MITF: variants seen among roughly 807,000 people sequenced by gnomAD.
MITF encodes melanocyte inducing transcription factor.
A neutral mutation model predicts 60.5 loss-of-function variants in MITF; 17 were observed. The observed-to-expected ratio is 0.28, with a 90% CI of 0.19 to 0.42. The LOEUF is 0.42. MITF is among the 10% of genes least tolerant of loss of function. The probability of loss-of-function intolerance (pLI) is 1.00; values close to 1 mark genes in which losing one functional copy is unlikely to be tolerated. For missense variants in MITF, 622 were observed against 683.5 expected (o/e 0.91, Z 1.00); for synonymous variants, 260 against 248.5 (o/e 1.05, Z -0.43).
In MITF at chr3:69,832,620, G is replaced by A. The variant is rs1291229465; in HGVS notation, c.105-46514G>A. On this transcript the variant is annotated intron_variant, in intron 1 of 9. Transcript: ENST00000352241. ...TGACATTGTACGCAATTGTTTCCCCGTTTACACTGTATATTGTTGTTTGCC... is the reference window on the plus strand; with the variant it reads ...TGACATTGTACGCAATTGTTTCCCCATTTACACTGTATATTGTTGTTTGCC... Among the ~76,000 whole-genome samples, 9 of 152,050 alleles carry A rather than the reference G, an allele frequency of 5.9e-5. 1 individual carries two copies. The South Asian group carries it at 6.2e-4, about 11-fold the overall frequency.
At chr3:69,939,013 T>C (rs1181369688) in intron 3 of MITF, 85 bp from the exon 4 acceptor site, 2 of 1,565,888 alleles carry the variant, frequency 1.3e-6, no homozygotes, top group African/African-American at 1.4e-5. Context: ...ATCTTGTTGC[T>C]GTGCCATCAG....
chr3:69,947,884 G>A (rs1378680146), intron 5 of MITF, among the ~76,000 whole-genome samples: 5 of 152,084 alleles, frequency 3.3e-5, no homozygotes, highest in East Asian at 3.9e-4. Context: ...AAGCACATTC[G>A]ACTTGTATTT....
chr3:69,822,846 C>T (rs760248291), intron 1 of MITF, among the ~76,000 whole-genome samples: 3 of 151,862 alleles, frequency 2.0e-5, no homozygotes, highest in Non-Finnish European at 2.9e-5. Flanking sequence ...CATTACTCAA[C>T]CCCGTCTTAT....
In MITF at chr3:69,767,629, A is replaced by G. The variant is rs370588965; in HGVS notation, c.104+27928A>G. ...AACAAAAAAACAAAAATAAAAAATG[A>G]TTGTCAAACAGATGAGAGGAAAGCA... is the stretch of plus-strand genomic sequence containing the variant. On this transcript the variant is annotated intron_variant, in intron 1 of 9. Transcript: ENST00000352241. Among the ~76,000 whole-genome samples, 23 of 152,180 alleles carry G rather than the reference A, an allele frequency of 1.5e-4. No homozygotes were observed. The East Asian group carries it at 4.4e-3, about 29-fold the overall frequency.
At position 69,785,601 on chromosome 3, in the gene MITF, G is replaced by C. The variant is rs2062635652; in HGVS notation, c.104+45900G>C. On this transcript the variant is annotated intron_variant, in intron 1 of 9. Transcript: ENST00000352241. ...TTTTTCCTTAAATCACATCAGAACT[G>C]GTTTTTGCTTTTTCCTTAAATCACA... 3.3e-5 allele frequency among the ~76,000 whole-genome samples: 5 copies of C among 152,080 alleles called. No individual in the cohort carries two copies. In the South Asian group the frequency reaches 1.0e-3, roughly 32 times the overall value.
chr3:69,938,762 C>T (rs2065902569), intron 3 of MITF: 3 of 1,319,306 alleles, frequency 2.3e-6, no homozygotes, highest in South Asian at 3.7e-5. Flanking sequence ...TGATGAGCTT[C>T]ATCTCAATGG....
In MITF at chr3:69,805,955, A is replaced by G. The variant is rs148379939; in HGVS notation, c.104+66254A>G. On this transcript the variant is annotated intron_variant, in intron 1 of 9. Coordinates refer to ENST00000352241, the MANE Select transcript of MITF (RefSeq NM_001354604.2). ...GGATTATAGGTATGAGCCACCATGC[A>G]TGGCCAAAAATGCATTTTTAGAAGA... is the stretch of plus-strand genomic sequence containing the variant. 2.0e-3 allele frequency among the ~76,000 whole-genome samples: 307 copies of G among 152,238 alleles called. 1 individual carries two copies. The highest frequency in any genetic ancestry group is 6.7e-3 in the African/African-American group (278 of 41,568).
chr3:69,753,342 T>C (rs921798455), intron 1 of MITF, among the ~76,000 whole-genome samples: 1 of 152,212 alleles, frequency 6.6e-6, no homozygotes, highest in African/African-American at 2.4e-5. Flanking sequence ...AAAACTTGGA[T>C]GTCCAGGCAG....
chr3:69,809,626 A>ATT (rs200221440), intron 1 of MITF, among the ~76,000 whole-genome samples: 2 of 139,506 alleles, frequency 1.4e-5, no homozygotes, highest in African/African-American at 2.6e-5. Context: ...AACTAAGTAC[A>ATT]TTTTTTTTTT....
Position 69,836,220 on chromosome 3 carries a change from T to A in MITF, c.105-42914T>A, listed in dbSNP as rs191111662. Among the ~76,000 whole-genome samples the A allele has an allele frequency of 3.2e-3, 491 of 152,332 alleles. 1 individual carries two copies. Among genetic ancestry groups the A allele is most frequent in the African/African-American group, 0.011 (451 of 41,574 alleles). On this transcript the variant is annotated intron_variant, in intron 1 of 9. Transcript: ENST00000352241. ...GTTATGTTTATTCCTATATAGCTTA[T>A]TTTTTGGTAGCTGTTGTAAATGGAA... is the stretch of plus-strand genomic sequence containing the variant.
rs2107422007 is a variant in MITF, at chr3:69,919,473, A to G, written c.355-18349A>G. 1.3e-5 allele frequency among the ~76,000 whole-genome samples: 2 copies of G among 152,334 alleles called. 1 individual carries two copies. The highest frequency in any genetic ancestry group is 4.8e-5 in the African/African-American group (2 of 41,574). ...TAAAACTGCAAAGAATTTGCCATTG[A>G]AGCATTAGGATTAAATTTTTTTTTG... is the stretch of plus-strand genomic sequence containing the variant. On this transcript the variant is annotated intron_variant, in intron 2 of 9. Transcript: ENST00000352241.
At chr3:69,801,208 G>A (rs762154200) in intron 1 of MITF, among the ~76,000 whole-genome samples, 1 of 151,862 alleles carries the variant, frequency 6.6e-6, no homozygotes, top group Non-Finnish European at 1.5e-5. Flanking sequence ...CCATTGTTTC[G>A]AGTGGCTAAA....
chr3:69,926,007 T>G (rs937654187), intron 2 of MITF, among the ~76,000 whole-genome samples: 5 of 152,228 alleles, frequency 3.3e-5, no homozygotes, highest in African/African-American at 1.2e-4. Context: ...TGTGCTTTAG[T>G]TGCTGCTCAG....
chr3:69,776,351 A>G (rs1455811711), intron 1 of MITF, among the ~76,000 whole-genome samples: 7 of 152,222 alleles, frequency 4.6e-5, no homozygotes, highest in East Asian at 1.9e-4. Context: ...AGTACACTAC[A>G]TAGGATAATA....
At chr3:69,741,050 A>G (rs1259221959) in intron 1 of MITF, among the ~76,000 whole-genome samples, 2 of 152,230 alleles carry the variant, frequency 1.3e-5, no homozygotes, top group Admixed American at 6.5e-5. Flanking sequence ...ACTGACTGCC[A>G]TTGCTGAAGA....
At position 69,739,479 on chromosome 3, in the gene MITF, G is replaced by A; in HGVS notation, c.-119G>A. 1.1e-6 allele frequency: 1 copy of A among 870,588 alleles called. No homozygotes were observed. The highest frequency in any genetic ancestry group is 1.6e-5 in the South Asian group (1 of 60,612). 53.9% of individuals were successfully genotyped at this position (870,588 alleles called of 1,614,324 possible). A position where few individuals can be genotyped will look rare whatever the true frequency, so the allele number is the denominator to read the frequency against. On this transcript the variant is annotated 5_prime_UTR_variant, in exon 1 of 10. Transcript: ENST00000352241. ...GCGGGCGGCCGCGAGCCGGCGAGCG[G>A]GCAGAGCTCGGCACTGCGCCGGGGC...
intron 1 of MITF, among the ~76,000 whole-genome samples, chr3:69,772,672 A>G (rs2062411327): frequency 6.6e-6 from 1 of 152,160 alleles, no homozygotes. Flanking sequence ...GTGTCAGTTA[A>G]AAGTGGGTAC....
rs770749800 is a variant in MITF at position 69,868,513 on chromosome 3, C to T, written c.105-10621C>T. Among the ~76,000 whole-genome samples the T allele has an allele frequency of 3.9e-5, 6 of 152,148 alleles. No homozygotes were observed. The East Asian group carries it at 7.7e-4, about 20-fold the overall frequency. On this transcript the variant is annotated intron_variant, in intron 1 of 9. Coordinates refer to ENST00000352241, the MANE Select transcript of MITF (RefSeq NM_001354604.2). ...AGATTTCTGAATTACCAAACTGTAA[C>T]TCATTTGAGCTCTTGAGGGGCCGTG...
At chr3:69,895,393 C>T (rs903700165) in intron 2 of MITF, among the ~76,000 whole-genome samples, 1 of 152,102 alleles carries the variant, frequency 6.6e-6, no homozygotes. Context: ...TCCTGGTTAT[C>T]ACTTACTGCA....
Sources: allele counts gnomAD v4.1 joint callset (sites outside exome capture counted in the v4.1 genomes callset), GRCh38; gene constraint gnomAD v4.1.1; transcripts MANE v1.5; gene names NCBI Gene and HGNC (gene_info 2026-07-23, HGNC 2026-07-21).